IRS4: variants seen among roughly 807,000 people sequenced by gnomAD.
IRS4 encodes the protein 160 kDa phosphotyrosine protein.
Under a neutral mutation model 48.6 loss-of-function variants are expected in IRS4, and 15 were observed. The observed-to-expected ratio is 0.31, with a 90% confidence interval of 0.21 to 0.48. IRS4 has a LOEUF of 0.48. Ranked by LOEUF, IRS4 falls within the 20% of genes least tolerant of loss-of-function variation. The pLI is 0.99. For missense variants in IRS4, 987 were observed against 1,023.4 expected (o/e 0.96, Z 0.49); for synonymous variants, 459 against 413.2 (o/e 1.11, Z -1.34).
chrX:108,728,764 C>T (rs1204162796), intron 1 of IRS4, among the ~76,000 whole-genome samples: 1 of 111,879 alleles, frequency 8.9e-6, no homozygotes, highest in Non-Finnish European at 1.9e-5. Flanking sequence ...ATTTTTTTGT[C>T]ACTCTGAGAA....
Position 108,734,772 on chromosome X carries a change from C to T in IRS4, c.1573G>A (p.Glu525Lys). Residue 525 changes from glutamate (E) to lysine (K), a missense_variant, in exon 1 of 2, where the codon GAG (glutamate) becomes AAG (lysine). Coordinates refer to ENST00000372129, the MANE Select transcript of IRS4 (RefSeq NM_001379150.1). ...TGACCACCTCGGGATCCCTGTCCCTCGCCTGAACACTGGTTTCCTCCCGAG... is the reference window on the plus strand; with the variant it reads ...TGACCACCTCGGGATCCCTGTCCCTTGCCTGAACACTGGTTTCCTCCCGAG... The part of the protein sequence containing the change: ...HSSGGNQCSG[E>K]GQGSRGGQGS... The T allele has an allele frequency of 5.0e-6, 6 of 1,211,355 alleles. No individual in the cohort carries two copies. In the South Asian group the frequency reaches 1.1e-4, roughly 21 times the overall value.
At position 108,735,589 on chromosome X, in the gene IRS4, G is replaced by T. The variant is rs1272237863; in HGVS notation, c.756C>A (p.Gly252=). 8.3e-7 allele frequency: 1 copy of T among 1,209,598 alleles called. No individual in the cohort carries two copies. The highest frequency in any genetic ancestry group is 1.1e-6 in the Non-Finnish European group (1 of 894,907). ...RGLGHRKELS[G]VFRLCLTDEE... is the part of the protein sequence containing the mutation. The stretch of plus-strand genomic sequence containing the variant: ...CGTCGGTTAGACACAGCCGGAACAC[G>T]CCGCTCAGCTCTTTTCTGTGCCCCA... The change falls in exon 1 of 2, where the codon GGC becomes GGA. Residue 252 remains glycine, a synonymous_variant. Transcript: ENST00000372129.
Position 108,721,022 on chromosome X carries a change from T to C in IRS4, c.*1497A>G, listed in dbSNP as rs1224554845. On this transcript the variant is annotated 3_prime_UTR_variant, in exon 2 of 2. Transcript: ENST00000372129. ...GAAAACCTTTAGATAAATATTACACTACTTCAAAGTTGCACATTAAATGCG... is the reference window on the plus strand; with the variant it reads ...GAAAACCTTTAGATAAATATTACACCACTTCAAAGTTGCACATTAAATGCG... The C allele has an allele frequency of 8.8e-6, 1 of 113,228 alleles. No individual in the cohort carries two copies. Among genetic ancestry groups the C allele is most frequent in the Non-Finnish European group, 1.9e-5 (1 of 53,478 alleles). The allele number at this position is 113,228 out of a possible 1,213,427, so 9.3% of individuals were successfully genotyped here.
At chrX:108,732,475 G>C (rs2068907328) in intron 1 of IRS4, 104 bp downstream of exon 1, 2 of 1,174,352 alleles carry the variant, frequency 1.7e-6, no homozygotes, top group East Asian at 3.0e-5. Flanking sequence ...ATGTCGAATA[G>C]CACCAGTTAA....
In IRS4 at chrX:108,733,334, G is replaced by A; in HGVS notation, c.3011C>T (p.Ala1004Val). ...TTCCTCAATAGCATTGCTACCTGTA[G>A]CACTGAGGGGAAGGGGAGGAAGTGG... is the stretch of plus-strand genomic sequence containing the variant. ...RWPLPPLPLS[A>V]TGSNAIEEEG... The change falls in exon 1 of 2, where the codon GCT becomes GTT. Residue 1004 changes from alanine (A) to valine (V), a missense_variant. Ala to Val is a moderately conservative substitution (Grantham distance 64). This residue lies in a region of IRS4 where 720 missense variants were observed against 660.3 expected (regional missense o/e 1.09). Transcript: ENST00000372129. 8.3e-7 allele frequency: 1 copy of A among 1,211,744 alleles called. No homozygotes were observed. The highest frequency in any genetic ancestry group is 1.1e-6 in the Non-Finnish European group (1 of 895,442).
chrX:108,727,280 TA>T (rs2148014496), intron 1 of IRS4, among the ~76,000 whole-genome samples: 1 of 112,403 alleles, frequency 8.9e-6, no homozygotes, highest in South Asian at 3.7e-4. Flanking sequence ...AATGCATATC[TA>T]AAACAGTATA....
chrX:108,729,992 AC>A (rs2068891894), intron 1 of IRS4, among the ~76,000 whole-genome samples: 1 of 112,065 alleles, frequency 8.9e-6, no homozygotes, highest in African/African-American at 3.2e-5. Context: ...TATGCCAGGC[AC>A]TGTTCTAAGC....
In IRS4 at chrX:108,735,796, G is replaced by A. The variant is rs1306624208; in HGVS notation, c.549C>T (p.Asn183=). The A allele has an allele frequency of 8.3e-7, 1 of 1,209,240 alleles. No individual in the cohort carries two copies. Among genetic ancestry groups the A allele is most frequent in the South Asian group, 1.8e-5 (1 of 56,836 alleles). The part of the protein sequence containing the change: ...QDEYFAMVAE[N]ESEQESWYLL... ...AGTACCAGCTTTCCTGCTCCGACTCGTTCTCGGCCACCATCGCGAAGTATT... is the reference window on the plus strand; with the variant it reads ...AGTACCAGCTTTCCTGCTCCGACTCATTCTCGGCCACCATCGCGAAGTATT... Residue 183 remains asparagine, a synonymous_variant, in exon 1 of 2, where the codon AAC becomes AAT. Coordinates refer to ENST00000372129, the MANE Select transcript of IRS4 (RefSeq NM_001379150.1).
rs1479967059 is a variant in IRS4 at position 108,735,549 on chromosome X, C to T, written c.796G>A (p.Val266Met). The change falls in exon 1 of 2, where the codon GTG (valine) becomes ATG (methionine). Residue 266 changes from valine to methionine, a missense_variant. By Grantham distance (21) the Val-to-Met change is conservative. Coordinates refer to ENST00000372129, the MANE Select transcript of IRS4 (RefSeq NM_001379150.1). Reference sequence around the variant, plus strand: ...CTGGCCACTTCGGTGTTCAGCCTCACAAACACGACCTCCTCGTCGGTTAGA... The same window carrying T: ...CTGGCCACTTCGGTGTTCAGCCTCATAAACACGACCTCCTCGTCGGTTAGA... ...LCLTDEEVVF[V>M]RLNTEVASVV... The T allele has an allele frequency of 8.3e-7, 1 of 1,207,436 alleles. No individual in the cohort carries two copies. Among genetic ancestry groups the T allele is most frequent in the African/African-American group, 1.8e-5 (1 of 56,371 alleles).
chrX:108,730,294 A>G (rs900667022), intron 1 of IRS4, among the ~76,000 whole-genome samples: 1 of 109,442 alleles, frequency 9.1e-6, no homozygotes, highest in Non-Finnish European at 1.9e-5. Flanking sequence ...TTTCACCACC[A>G]TCAACACCAC....
At position 108,735,426 on chromosome X, in the gene IRS4, G is replaced by C; in HGVS notation, c.919C>G (p.Leu307Val). The change falls in exon 1 of 2, where the codon CTC becomes GTC. Residue 307 changes from leucine to valine, a missense_variant. By Grantham distance (32) the Leu-to-Val change is conservative (BLOSUM62 1). This residue lies in a region of IRS4 where 74 missense variants were observed against 100.4 expected (regional missense o/e 0.74). Coordinates refer to ENST00000372129, the MANE Select transcript of IRS4 (RefSeq NM_001379150.1). ...GRSTVIGPGELWMQVDDCVVA... is the reference protein window; with the variant it reads ...GRSTVIGPGEVWMQVDDCVVA... ...ACACAGTCATCGACCTGCATCCAGAGCTCTCCCGGACCGATGACAGTGGAC... is the reference window on the plus strand; with the variant it reads ...ACACAGTCATCGACCTGCATCCAGACCTCTCCCGGACCGATGACAGTGGAC... 1.7e-6 allele frequency: 2 copies of C among 1,211,197 alleles called. No individual in the cohort carries two copies. Among genetic ancestry groups the C allele is most frequent in the Non-Finnish European group, 2.2e-6 (2 of 895,439 alleles).
chrX:108,727,737 C>A lies in IRS4; in HGVS notation c.3766+4842G>T, dbSNP rs57331803. Among the ~76,000 whole-genome samples, 802 of 111,977 alleles carry A rather than the reference C, an allele frequency of 7.2e-3. 4 individuals carry two copies. The highest frequency in any genetic ancestry group is 0.034 in the East Asian group (123 of 3,570). On this transcript the variant is annotated intron_variant, in intron 1 of 1. Transcript: ENST00000372129. ...GGGCTATTTTTATATACTCTTAAAGCCTTAAAAAAGGTGCTAAATCAAAAT... is the reference window on the plus strand; with the variant it reads ...GGGCTATTTTTATATACTCTTAAAGACTTAAAAAAGGTGCTAAATCAAAAT...
chrX:108,728,814 A>C (rs1470618893), intron 1 of IRS4, among the ~76,000 whole-genome samples: 1 of 111,990 alleles, frequency 8.9e-6, no homozygotes, highest in Admixed American at 9.5e-5. Context: ...AGGGAGAGAA[A>C]AAGAAAGTAA....
intron 1 of IRS4, among the ~76,000 whole-genome samples, chrX:108,730,403 C>T (rs1411052722): frequency 1.9e-5 from 2 of 106,240 alleles, no homozygotes; most frequent in Non-Finnish European, 3.9e-5. Flanking sequence ...GAATCACCCT[C>T]AAGATCAATT....
At chrX:108,728,009 A>C (rs142793095) in intron 1 of IRS4, among the ~76,000 whole-genome samples, 1 of 112,658 alleles carries the variant, frequency 8.9e-6, no homozygotes, top group East Asian at 2.8e-4. Context: ...TTTTTGCTAT[A>C]ACTCCCAAAT....
chrX:108,734,896 G>A lies in IRS4; in HGVS notation c.1449C>T (p.Ser483=), dbSNP rs758610761. The A allele has an allele frequency of 3.3e-6, 4 of 1,210,306 alleles. No homozygotes were observed. The highest frequency in any genetic ancestry group is 2.3e-4 in the Middle Eastern group (1 of 4,377). Reference sequence around the variant, plus strand: ...TGTTCATAGGCATGTAGTCACCTCCGCTTCCTTCCTGATCTTCTTTGCCCT... The same window carrying A: ...TGTTCATAGGCATGTAGTCACCTCCACTTCCTTCCTGATCTTCTTTGCCCT... ...NPQGKEDQEG[S]GGDYMPMNNW... Residue 483 remains serine (S), a synonymous_variant, in exon 1 of 2, where the codon AGC becomes AGT. Coordinates refer to ENST00000372129, the MANE Select transcript of IRS4 (RefSeq NM_001379150.1).
In IRS4 at chrX:108,736,215, T is replaced by C; in HGVS notation, c.130A>G (p.Ile44Val). The C allele has an allele frequency of 8.3e-7, 1 of 1,210,374 alleles. No homozygotes were observed. Among genetic ancestry groups the C allele is most frequent in the Non-Finnish European group, 1.1e-6 (1 of 895,146 alleles). Residue 44 changes from isoleucine (I) to valine (V), a missense_variant, in exon 1 of 2, where the codon ATT (isoleucine) becomes GTT (valine). By Grantham distance (29) the Ile-to-Val change is conservative. This residue lies in a region of IRS4 where 173 missense variants were observed against 208.9 expected (regional missense o/e 0.83). Transcript: ENST00000372129. ...CCCGGACAAGACGACCCGGTCCCAA[T>C]GAGTGCGGTCGGGGTTCCCGAGGAA... ...LLSSGTPTAL[I>V]GTGSSCPGAM...
At position 108,733,384 on chromosome X, in the gene IRS4, G is replaced by A. The variant is rs1242068748; in HGVS notation, c.2961C>T (p.Pro987=). The A allele has an allele frequency of 8.3e-7, 1 of 1,212,019 alleles. No individual in the cohort carries two copies. Among genetic ancestry groups the A allele is most frequent in the East Asian group, 3.0e-5 (1 of 33,840 alleles). The stretch of plus-strand genomic sequence containing the variant: ...GCCACCTAGCACTGTCCAGAGATAA[G>A]GGGTTGGCACGTGGTATAGCTCTTA... ...DLLRAIPRAN[P]LSLDSARWPL... The change falls in exon 1 of 2, where the codon CCC becomes CCT. Residue 987 remains proline (P), a synonymous_variant. Transcript: ENST00000372129.
In IRS4 at chrX:108,736,198, A is replaced by G; in HGVS notation, c.147T>C (p.Ser49=). The G allele has an allele frequency of 8.3e-7, 1 of 1,210,338 alleles. No individual in the cohort carries two copies. The highest frequency in any genetic ancestry group is 1.1e-6 in the Non-Finnish European group (1 of 895,078). ...TGGAGAGCCACATGGCTCCCGGACA[A>G]GACGACCCGGTCCCAATGAGTGCGG... ...TPTALIGTGS[S]CPGAMWLSTA... is the part of the protein sequence containing the mutation. Residue 49 remains serine (S), a synonymous_variant, in exon 1 of 2, where the codon TCT becomes TCC. Coordinates refer to ENST00000372129, the MANE Select transcript of IRS4 (RefSeq NM_001379150.1).
Sources: gnomAD v4.1 joint callset for allele counts (sites outside exome capture counted in the v4.1 genomes callset) on GRCh38, gnomAD v4.1.1 for gene constraint, gnomAD v4.1.1 regional missense constraint, MANE v1.5 for transcripts, NCBI Gene and HGNC (gene_info 2026-07-23, HGNC 2026-07-21) for gene names.